OGT: variants seen among roughly 807,000 people sequenced by gnomAD.
The protein encoded by OGT is O-linked N-acetylglucosamine (GlcNAc) transferase.
In OGT, 3 loss-of-function variants were observed where a neutral mutation model predicts 75.8. The observed-to-expected ratio is 0.04, with a 90% confidence interval of 0.02 to 0.10. OGT has a LOEUF of 0.10. Ranked by LOEUF, OGT falls within the 10% of genes least tolerant of loss-of-function variation. OGT has a pLI of 1.00. For missense variants in OGT, 260 were observed against 824.4 expected (o/e 0.32, Z 8.38); for synonymous variants, 257 against 289.7 (o/e 0.89, Z 1.15).
At position 71,563,563 on chromosome X, in the gene OGT, A is replaced by G. The variant is rs2040398201; in HGVS notation, c.2436+64A>G. ...GTATGCATTTATTTCCCTTAACCTC[A>G]TGATAACTCTAGGAGGCAAGTATCA... On this transcript the variant is annotated intron_variant, in intron 18 of 21. Transcript: ENST00000373719. The G allele has an allele frequency of 3.3e-6, 3 of 904,314 alleles. No individual in the cohort carries two copies. The Admixed American group carries it at 9.1e-5, about 28-fold the overall frequency. 74.5% of individuals were successfully genotyped at this position (904,314 alleles called of 1,213,427 possible). A position where few individuals can be genotyped will look rare whatever the true frequency, so the allele number is the denominator to read the frequency against.
intron 3 of OGT, among the ~76,000 whole-genome samples, chrX:71,543,171 A>G (rs1295087064): frequency 6.2e-5 from 7 of 112,101 alleles, no homozygotes; most frequent in South Asian, 7.3e-4. Flanking sequence ...AAACCATAAT[A>G]TAGTTCCAGA....
Position 71,539,216 on chromosome X carries a change from T to G in OGT, c.462+1144T>G, listed in dbSNP as rs147375784. Among the ~76,000 whole-genome samples, 186 of 112,847 alleles carry G rather than the reference T, an allele frequency of 1.6e-3. 4 individuals carry two copies. In the East Asian group the frequency reaches 0.043, roughly 26 times the overall value. ...TTGATCATATTTTGCTGTCCCTTAT[T>G]TTTTGGTTAGGAAACTGAAACTAAA... On this transcript the variant is annotated intron_variant, in intron 3 of 21. Coordinates refer to ENST00000373719, the MANE Select transcript of OGT (RefSeq NM_181672.3).
intron 15 of OGT, 124 bp from the exon 16 acceptor site, chrX:71,562,723 C>T: frequency 3.4e-6 from 2 of 595,210 alleles, no homozygotes; most frequent in Non-Finnish European, 2.4e-6. Context: ...TTTTAAAAAC[C>T]ACTTTATTGA....
At chrX:71,544,720 T>A in intron 4 of OGT, 85 bp downstream of exon 4, 1 of 766,407 alleles carries the variant, frequency 1.3e-6, no homozygotes, top group Non-Finnish European at 2.0e-6. Context: ...CATTGAGCTA[T>A]CTTCACAAAA....
chrX:71,535,254 T>C (rs765371418), intron 1 of OGT, among the ~76,000 whole-genome samples: 1 of 111,344 alleles, frequency 9.0e-6, no homozygotes, highest in Non-Finnish European at 1.9e-5. Flanking sequence ...TCAAATATAT[T>C]TTAGCGTCCA....
At position 71,562,864 on chromosome X, in the gene OGT, C is replaced by A; in HGVS notation, c.1995C>A (p.Tyr665Ter). ...TTTTTAAGGCAATGTGGCTGGGATACCCTGGGACGAGTGGTGCGCTTTTCA... is the reference window on the plus strand; with the variant it reads ...TTTTTAAGGCAATGTGGCTGGGATAACCTGGGACGAGTGGTGCGCTTTTCA... ...PAPIQAMWLG[Y>*]PGTSGALFMD... Residue 665 changes from tyrosine to a stop codon, truncating the protein, a stop_gained, in exon 16 of 22, where the codon TAC becomes TAA. Coordinates refer to ENST00000373719, the MANE Select transcript of OGT (RefSeq NM_181672.3). LOFTEE classifies it high-confidence loss of function. 8.4e-7 allele frequency: 1 copy of A among 1,190,751 alleles called. No individual in the cohort carries two copies. The highest frequency in any genetic ancestry group is 1.1e-6 in the Non-Finnish European group (1 of 881,038).
chrX:71,543,733 G>GGTGTGTGT (rs1211703806), intron 3 of OGT, among the ~76,000 whole-genome samples: 4 of 87,920 alleles, frequency 4.5e-5, no homozygotes, highest in African/African-American at 9.3e-5. Flanking sequence ...AAATATTTGA[G>GGTGTGTGT]ATGTGTGTGT....
intron 1 of OGT, among the ~76,000 whole-genome samples, chrX:71,534,836 A>G (rs1011915422): frequency 1.8e-5 from 2 of 112,091 alleles, no homozygotes; most frequent in Admixed American, 9.5e-5. Context: ...CTTAGCTAAA[A>G]TGTAATTTTA....
At chrX:71,571,474 C>G (rs939382228) in intron 21 of OGT, among the ~76,000 whole-genome samples, 1 of 112,379 alleles carries the variant, frequency 8.9e-6, no homozygotes, top group African/African-American at 3.2e-5. Flanking sequence ...GATCTCCGCT[C>G]ACTGCAACTT....
At chrX:71,558,365 CT>C (rs563849120) in intron 12 of OGT, among the ~76,000 whole-genome samples, 171 of 99,701 alleles carry the variant, frequency 1.7e-3, no homozygotes, top group Middle Eastern at 5.3e-3. Flanking sequence ...GCTAGGTGTA[CT>C]TTTTTTTTTT....
chrX:71,541,822 G>T, intron 3 of OGT, among the ~76,000 whole-genome samples: 1 of 110,677 alleles, frequency 9.0e-6, no homozygotes, highest in Admixed American at 9.7e-5. Flanking sequence ...GCTGGTGGGG[G>T]TGGGAGGCTC....
Position 71,573,928 on chromosome X carries a change from T to G in OGT, c.*134T>G. The G allele has an allele frequency of 2.3e-6, 1 of 426,465 alleles. No individual in the cohort carries two copies. Among genetic ancestry groups the G allele is most frequent in the Non-Finnish European group, 3.7e-6 (1 of 266,717 alleles). The allele number at this position is 426,465 out of a possible 1,213,427, so 35.1% of individuals were successfully genotyped here. On this transcript the variant is annotated 3_prime_UTR_variant, in exon 22 of 22. Coordinates refer to ENST00000373719, the MANE Select transcript of OGT (RefSeq NM_181672.3). ...TGGGTGATATATAATGGTAATAGAA[T>G]AGCACAGCCAGACTTGCTTCCTGCA... is the stretch of plus-strand genomic sequence containing the variant.
intron 11 of OGT, 63 bp from the exon 12 acceptor site, chrX:71,557,430 A>G: frequency 3.6e-6 from 4 of 1,123,202 alleles, no homozygotes; most frequent in African/African-American, 1.8e-5. Flanking sequence ...GGCCAAAGAC[A>G]TATCAAATAT....
rs968841586 is a variant in OGT at position 71,548,138 on chromosome X, T to C, written c.648+115T>C. On this transcript the variant is annotated intron_variant, in intron 5 of 21. Coordinates refer to ENST00000373719, the MANE Select transcript of OGT (RefSeq NM_181672.3). ...CATTATATCTTTGTTTCTCTGGCGG[T>C]ATAGGCAGTATGTGACTTACAGAGA... is the stretch of plus-strand genomic sequence containing the variant. The C allele has an allele frequency of 2.6e-5, 19 of 730,980 alleles. No individual in the cohort carries two copies. In the Admixed American group the frequency reaches 5.2e-4, roughly 20 times the overall value. The allele number at this position is 730,980 out of a possible 1,213,427, so 60.2% of individuals were successfully genotyped here. A position where few individuals can be genotyped will look rare whatever the true frequency, so the allele number is the denominator to read the frequency against.
intron 4 of OGT, chrX:71,547,052 G>A: frequency 2.6e-5 from 20 of 754,851 alleles, no homozygotes; most frequent in Non-Finnish European, 3.1e-5. Context: ...AGTTCGCAGC[G>A]ATTGCGCAGT....
chrX:71,559,760 A>T (rs934628078), intron 14 of OGT, 83 bp downstream of exon 14: 1 of 734,773 alleles, frequency 1.4e-6, no homozygotes, highest in Non-Finnish European at 2.0e-6. Flanking sequence ...TTTTGATGAT[A>T]AGTATTAAAT....
rs1344273487 is a variant in OGT at position 71,575,651 on chromosome X, AC to A, written c.*1858del. The A allele has an allele frequency of 8.9e-6, 1 of 112,585 alleles. No homozygotes were observed. The highest frequency in any genetic ancestry group is 3.2e-5 in the African/African-American group (1 of 30,956). The allele number at this position is 112,585 out of a possible 1,213,427, so 9.3% of individuals were successfully genotyped here. ...CACATCATTCCTCCTATAGGGATGA[AC>A]TTTTTCCTGGCACGAAAAGTAGCCG... On this transcript the variant is annotated 3_prime_UTR_variant, in exon 22 of 22. Transcript: ENST00000373719.
chrX:71,550,755 T>C (rs2040297974), intron 5 of OGT, among the ~76,000 whole-genome samples: 1 of 112,072 alleles, frequency 8.9e-6, no homozygotes, highest in South Asian at 3.7e-4. Context: ...TCATTGCATA[T>C]TTTTGCTTTT....
intron 4 of OGT, chrX:71,547,241 C>G (rs1245568022): frequency 1.3e-6 from 1 of 752,397 alleles, no homozygotes; most frequent in African/African-American, 2.3e-5. Flanking sequence ...CATTTTTCTC[C>G]TCAGTAGCAT....
Sources: allele counts gnomAD v4.1 joint callset (sites outside exome capture counted in the v4.1 genomes callset), GRCh38; gene constraint gnomAD v4.1.1; transcripts MANE v1.5; gene names NCBI Gene and HGNC (gene_info 2026-07-23, HGNC 2026-07-21).